MACROD2: variants seen among roughly 807,000 people sequenced by gnomAD.
MACROD2 encodes the protein ADP-ribose glycohydrolase MACROD2.
Under a neutral mutation model 70.4 loss-of-function variants are expected in MACROD2, and 36 were observed. That is an observed-to-expected ratio of 0.51 (90% confidence interval 0.39 to 0.68). The LOEUF is 0.68. Ranked by LOEUF, MACROD2 falls within the 30% of genes least tolerant of loss-of-function variation. The probability of loss-of-function intolerance (pLI) is 0.00; values close to 1 mark genes in which losing one functional copy is unlikely to be tolerated. For synonymous variants in MACROD2, 172 were observed against 178.8 expected (o/e 0.96, Z 0.30); for missense variants, 496 against 538.4 (o/e 0.92, Z 0.78).
chr20:15,935,481 C>T (rs1044896564), intron 11 of MACROD2, among the ~76,000 whole-genome samples: 7 of 152,276 alleles, frequency 4.6e-5, no homozygotes, highest in Admixed American at 1.3e-4. Context: ...GCTCTTTTGA[C>T]CTGCTGGTAT....
chr20:14,542,912 G>A (rs954476554), intron 4 of MACROD2, among the ~76,000 whole-genome samples: 1 of 151,452 alleles, frequency 6.6e-6, no homozygotes, highest in Admixed American at 6.6e-5. Flanking sequence ...TAAACTAAAT[G>A]TACAATTTTA....
At chr20:14,891,579 T>G (rs2073761157) in intron 5 of MACROD2, among the ~76,000 whole-genome samples, 1 of 152,186 alleles carries the variant, frequency 6.6e-6, no homozygotes, top group South Asian at 2.1e-4. Context: ...ATGTGTTGGT[T>G]TCATTTTCTA....
At chr20:15,220,795 G>T (rs1406527521) in intron 5 of MACROD2, among the ~76,000 whole-genome samples, 1 of 152,184 alleles carries the variant, frequency 6.6e-6, no homozygotes, top group African/African-American at 2.4e-5. Context: ...CCAGAAATGG[G>T]GAAAGTCCTG....
chr20:15,829,833 A>G (rs1437461945), intron 8 of MACROD2, among the ~76,000 whole-genome samples: 2 of 152,184 alleles, frequency 1.3e-5, no homozygotes, highest in East Asian at 1.9e-4. Flanking sequence ...ATACAAGGGC[A>G]ATGTGAGCAT....
chr20:15,914,845 A>G (rs2065289327), intron 10 of MACROD2, among the ~76,000 whole-genome samples: 2 of 152,168 alleles, frequency 1.3e-5, no homozygotes. Flanking sequence ...CATAAAGTTG[A>G]GGGGTTCCCA....
intron 5 of MACROD2, among the ~76,000 whole-genome samples, chr20:14,935,824 T>A (rs2059413847): frequency 6.6e-6 from 1 of 152,240 alleles, no homozygotes; most frequent in Non-Finnish European, 1.5e-5. Context: ...TACAAATGAT[T>A]GTTTGACTTT....
intron 6 of MACROD2, among the ~76,000 whole-genome samples, chr20:15,393,586 G>A (rs2045821717): frequency 1.3e-5 from 2 of 151,680 alleles, no homozygotes; most frequent in African/African-American, 4.8e-5. Flanking sequence ...TTCTTTCTTT[G>A]GCCCTATCTC....
intron 3 of MACROD2, among the ~76,000 whole-genome samples, chr20:14,475,287 G>A (rs888707868): frequency 1.3e-5 from 2 of 151,820 alleles, no homozygotes; most frequent in African/African-American, 4.8e-5. Flanking sequence ...AAGTGTTGAT[G>A]TCACAATTTA....
intron 4 of MACROD2, 22 bp from the exon 5 acceptor site, chr20:14,684,821 A>T: frequency 1.0e-5 from 16 of 1,589,570 alleles, no homozygotes; most frequent in East Asian, 2.2e-5. Context: ...AATATAAGCT[A>T]ACTTTCTTCT....
chr20:15,933,200 G>T (rs577224033), intron 10 of MACROD2, 76 bp from the exon 11 acceptor site: 36 of 1,388,258 alleles, frequency 2.6e-5, no homozygotes, highest in Admixed American at 2.2e-4. Flanking sequence ...TAATTTCAGT[G>T]CTGCATATTA....
At chr20:14,649,250 G>GTC (rs1179078816) in intron 4 of MACROD2, among the ~76,000 whole-genome samples, 1 of 152,180 alleles carries the variant, frequency 6.6e-6, no homozygotes, top group Non-Finnish European at 1.5e-5. Flanking sequence ...AGTATGGACT[G>GTC]TCTGGTAAGA....
intron 8 of MACROD2, among the ~76,000 whole-genome samples, chr20:15,680,597 A>G (rs1242530557): frequency 6.6e-6 from 1 of 152,176 alleles, no homozygotes; most frequent in Non-Finnish European, 1.5e-5. Flanking sequence ...GGAGTTAGCC[A>G]TTGTGAATTC....
At chr20:14,750,320 G>C (rs1196851675) in intron 5 of MACROD2, among the ~76,000 whole-genome samples, 1 of 152,050 alleles carries the variant, frequency 6.6e-6, no homozygotes, top group Non-Finnish European at 1.5e-5. Flanking sequence ...AAACAGTGTT[G>C]ATGTTTCTCT....
intron 10 of MACROD2, among the ~76,000 whole-genome samples, chr20:15,894,952 G>T (rs1478995250): frequency 1.3e-5 from 2 of 152,118 alleles, no homozygotes; most frequent in Non-Finnish European, 2.9e-5. Context: ...ATCTCTTAAG[G>T]CCACACTTGG....
intron 5 of MACROD2, among the ~76,000 whole-genome samples, chr20:14,860,886 G>A (rs1326541540): frequency 6.6e-6 from 1 of 151,802 alleles, no homozygotes; most frequent in Admixed American, 6.6e-5. Flanking sequence ...CTTATCCCAG[G>A]TTTTCCTTTT....
At chr20:14,757,603 C>T in intron 5 of MACROD2, 3 of 1,145,906 alleles carry the variant, frequency 2.6e-6, no homozygotes, top group African/African-American at 3.0e-5. Flanking sequence ...ATTTATGACT[C>T]CTTTTTAAGG....
intron 5 of MACROD2, among the ~76,000 whole-genome samples, chr20:14,944,856 C>G (rs1293450949): frequency 4.6e-5 from 7 of 152,104 alleles, no homozygotes; most frequent in African/African-American, 1.7e-4. Context: ...CCTTCTCACC[C>G]TTCTGCCTGC....
chr20:14,487,112 C>T (rs139330202), intron 3 of MACROD2, among the ~76,000 whole-genome samples: 44 of 152,266 alleles, frequency 2.9e-4, no homozygotes, highest in African/African-American at 8.2e-4. Flanking sequence ...ACCCACAAAA[C>T]GCCAGACTTT....
At chr20:14,646,859 C>T in intron 4 of MACROD2, among the ~76,000 whole-genome samples, 1 of 152,024 alleles carries the variant, frequency 6.6e-6, no homozygotes. Flanking sequence ...GACTTCCTGT[C>T]TCTTAAAACG....
Sources: gnomAD v4.1 joint callset for allele counts (sites outside exome capture counted in the v4.1 genomes callset) on GRCh38, gnomAD v4.1.1 for gene constraint, MANE v1.5 for transcripts, NCBI Gene and HGNC (gene_info 2026-07-23, HGNC 2026-07-21) for gene names.